The following SLC4A8 variants were observed in gnomAD, a reference collection of about 807,000 sequenced individuals.
SLC4A8 encodes electroneutral sodium bicarbonate exchanger 1.
SLC4A8 carries 40 observed loss-of-function variants against 125.0 expected under a neutral mutation model. The ratio of observed to expected loss-of-function variants is 0.32; its 90% CI spans 0.25 to 0.42. The LOEUF (loss-of-function observed/expected upper bound fraction) is 0.42, where lower values mean the gene tolerates loss of function less well. SLC4A8 is among the 10% of genes least tolerant of loss of function. The pLI is 1.00. For missense variants in SLC4A8, 863 were observed against 1,355.1 expected (o/e 0.64, Z 5.70); for synonymous variants, 456 against 476.0 (o/e 0.96, Z 0.55).
intron 1 of SLC4A8, chr12:51,391,866 T>C (rs1948124117): frequency 6.6e-6 from 1 of 152,308 alleles, no homozygotes; most frequent in South Asian, 2.1e-4. Flanking sequence ...GGCCAGGCTT[T>C]CAGCGCGGAA....
At chr12:51,497,564 AGC>A in intron 22 of SLC4A8, 1 of 155,654 alleles carries the variant, frequency 6.4e-6, no homozygotes, top group Non-Finnish European at 1.4e-5. Context: ...CATTTCCCTC[AGC>A]ACTTGGCATC....
At chr12:51,484,044 C>T (rs1012489677) in intron 16 of SLC4A8, among the ~76,000 whole-genome samples, 6 of 152,178 alleles carry the variant, frequency 3.9e-5, no homozygotes, top group Admixed American at 6.5e-5. Context: ...CAGCTTCATT[C>T]ATGTCCCTAC....
chr12:51,438,317 A>G (rs1852450592), intron 1 of SLC4A8, among the ~76,000 whole-genome samples: 1 of 152,068 alleles, frequency 6.6e-6, no homozygotes, highest in Admixed American at 6.6e-5. Flanking sequence ...ATTCTCTCTT[A>G]TACTTCTTAC....
intron 14 of SLC4A8, among the ~76,000 whole-genome samples, chr12:51,472,276 A>G (rs1361636581): frequency 6.6e-6 from 1 of 152,142 alleles, no homozygotes; most frequent in Non-Finnish European, 1.5e-5. Context: ...TACAGTTCTG[A>G]TGTGGAGGAT....
chr12:51,484,889 G>A (rs1364651866), intron 16 of SLC4A8, among the ~76,000 whole-genome samples: 2 of 152,092 alleles, frequency 1.3e-5, no homozygotes, highest in Non-Finnish European at 2.9e-5. Context: ...CATCAGAGAA[G>A]AGCTCAAAGA....
In SLC4A8 at chr12:51,462,390, G is replaced by A. The variant is rs374775576; in HGVS notation, c.1182G>A (p.Thr394=). The change falls in exon 10 of 25, where the codon ACG becomes ACA. Residue 394 remains threonine (T), a synonymous_variant. Transcript: ENST00000453097. ...AGIDEFLDQV[T]VLPPGEWDPS... ...TTGATGAGTTCCTAGACCAGGTGAC[G>A]GTGCTCCCTCCAGGAGAGTGGGATC... 6.9e-4 allele frequency: 1,114 copies of A among 1,611,956 alleles called. 15 individuals carry two copies. The South Asian group carries it at 0.01, about 15-fold the overall frequency.
chr12:51,447,025 T>TCTGC (rs943233144), intron 2 of SLC4A8, among the ~76,000 whole-genome samples: 1 of 142,988 alleles, frequency 7.0e-6, no homozygotes, highest in African/African-American at 2.5e-5. Flanking sequence ...GTGCTGGGAA[T>TCTGC]CTGCCTGCCT....
intron 5 of SLC4A8, among the ~76,000 whole-genome samples, chr12:51,456,187 G>T (rs1950145581): frequency 7.7e-6 from 1 of 130,608 alleles, no homozygotes; most frequent in African/African-American, 2.5e-5. Context: ...AGAGACAGGA[G>T]GTGATAGATA....
At chr12:51,407,753 T>A (rs1948516657) in intron 1 of SLC4A8, 1 of 152,272 alleles carries the variant, frequency 6.6e-6, no homozygotes, top group African/African-American at 2.4e-5. Context: ...CCTGCCCTGG[T>A]GTGGGACGTG....
At chr12:51,470,106 A>C (rs368619019) in intron 12 of SLC4A8, among the ~76,000 whole-genome samples, 5 of 152,156 alleles carry the variant, frequency 3.3e-5, no homozygotes, top group Non-Finnish European at 5.9e-5. Context: ...TTGTAGTGTG[A>C]ATGGTATCAC....
At chr12:51,404,296 G>T (rs1007166457) in intron 1 of SLC4A8, among the ~76,000 whole-genome samples, 8 of 152,202 alleles carry the variant, frequency 5.3e-5, no homozygotes, top group African/African-American at 1.9e-4. Context: ...GAGAGGCAGA[G>T]ATTGGGATGG....
chr12:51,451,295 G>C (rs1191716978), intron 3 of SLC4A8, among the ~76,000 whole-genome samples: 1 of 152,146 alleles, frequency 6.6e-6, no homozygotes, highest in Non-Finnish European at 1.5e-5. Flanking sequence ...TGTTAGCCTG[G>C]ACGGTCTGGA....
rs953800675 is a variant in SLC4A8 at position 51,515,061 on chromosome 12, T to C, written c.*7623T>C. 6.6e-6 allele frequency: 1 copy of C among 152,222 alleles called. No homozygotes were observed. The highest frequency in any genetic ancestry group is 2.4e-5 in the African/African-American group (1 of 41,450). 9.4% of individuals were successfully genotyped at this position (152,222 alleles called of 1,614,324 possible). Reference sequence around the variant, plus strand: ...TTTTTCTTCTAGCTGATGGCATTAATATTTCTTGAGAGAGAGAACTCACCC... The same window carrying C: ...TTTTTCTTCTAGCTGATGGCATTAACATTTCTTGAGAGAGAGAACTCACCC... On this transcript the variant is annotated 3_prime_UTR_variant, in exon 25 of 25. Coordinates refer to ENST00000453097, the MANE Select transcript of SLC4A8 (RefSeq NM_001039960.3).
intron 16 of SLC4A8, among the ~76,000 whole-genome samples, chr12:51,481,386 T>G: frequency 6.6e-6 from 1 of 152,182 alleles, no homozygotes; most frequent in Admixed American, 6.5e-5. Flanking sequence ...GAAAAGCCTC[T>G]GAACCACCTT....
chr12:51,396,188 C>T (rs1317730396), intron 1 of SLC4A8, among the ~76,000 whole-genome samples: 2 of 152,212 alleles, frequency 1.3e-5, no homozygotes, highest in South Asian at 2.1e-4. Context: ...TGGATGTTAG[C>T]CATTATAATA....
At position 51,471,529 on chromosome 12, in the gene SLC4A8, A is replaced by G. The variant is rs751818238; in HGVS notation, c.1901A>G (p.Tyr634Cys). 1.2e-6 allele frequency: 2 copies of G among 1,612,124 alleles called. No individual in the cohort carries two copies. Among genetic ancestry groups the G allele is most frequent in the Admixed American group, 3.4e-5 (2 of 59,670 alleles). ...AGCCAGCTGGACCACCTTAGCCTCT[A>G]TTAGTAAGTGTGCTTTCTGCTTATT... Reference protein sequence around the residue: ...MHSQLDHLSLYYCRCTLPENP... With the variant: ...MHSQLDHLSLCYCRCTLPENP... Residue 634 changes from tyrosine (Y) to cysteine (C), a missense_variant, in exon 14 of 25, where the codon TAT (tyrosine) becomes TGT (cysteine). Around this residue, in one of 6 missense-constraint regions of SLC4A8, gnomAD observed 76 missense variants for 80.2 expected, o/e 0.95. Coordinates refer to ENST00000453097, the MANE Select transcript of SLC4A8 (RefSeq NM_001039960.3).
At chr12:51,462,103 T>C (rs1950345250) in intron 9 of SLC4A8, 1 of 567,056 alleles carries the variant, frequency 1.8e-6, no homozygotes, top group Non-Finnish European at 3.1e-6. Flanking sequence ...GACATGTATT[T>C]AGTTCTTTTA....
intron 1 of SLC4A8, chr12:51,391,754 C>T (rs529675042): frequency 6.6e-6 from 1 of 152,280 alleles, no homozygotes; most frequent in Admixed American, 6.5e-5. Flanking sequence ...CGGGTCCCGC[C>T]GTGTCCTCAG....
intron 19 of SLC4A8, among the ~76,000 whole-genome samples, chr12:51,490,682 G>A (rs567105501): frequency 6.9e-4 from 105 of 152,002 alleles, no homozygotes; most frequent in African/African-American, 2.4e-3. Flanking sequence ...AGTGATATGT[G>A]TTCTACGAAA....
Sources: allele counts gnomAD v4.1 joint callset (sites outside exome capture counted in the v4.1 genomes callset), GRCh38; gene constraint gnomAD v4.1.1; regional missense constraint gnomAD v4.1.1; transcripts MANE v1.5; gene names NCBI Gene and HGNC (gene_info 2026-07-23, HGNC 2026-07-21).